Variants in ENKUR observed in about 807,000 individuals in gnomAD.
ENKUR encodes the protein enkurin, TRPC channel interacting protein.
In ENKUR, 19 loss-of-function variants were observed where a neutral mutation model predicts 27.6. That is an observed-to-expected ratio of 0.69 (90% CI 0.48 to 1.01). The LOEUF (loss-of-function observed/expected upper bound fraction) is 1.01, where lower values mean the gene tolerates loss of function less well. ENKUR is among the 50% of genes least tolerant of loss of function. ENKUR has a pLI of 0.00. For missense variants in ENKUR, 312 were observed against 310.5 expected (o/e 1.00, Z -0.04); for synonymous variants, 117 against 96.9 (o/e 1.21, Z -1.22).
intron 3 of ENKUR, among the ~76,000 whole-genome samples, chr10:24,994,106 T>C (rs1401099973): frequency 6.6e-6 from 1 of 152,190 alleles, no homozygotes; most frequent in African/African-American, 2.4e-5. Flanking sequence ...GAAAACAGCC[T>C]TGAGGGTCCT....
At chr10:25,052,977 T>C (rs929628141) in intron 2 of ENKUR, among the ~76,000 whole-genome samples, 2 of 151,798 alleles carry the variant, frequency 1.3e-5, no homozygotes, top group African/African-American at 4.8e-5. Flanking sequence ...CCATGTTGGT[T>C]GGGCTGGTCT....
intron 2 of ENKUR, among the ~76,000 whole-genome samples, chr10:25,045,098 G>T (rs1851108254): frequency 6.6e-6 from 1 of 152,154 alleles, no homozygotes. Context: ...TATTTCAAGG[G>T]TTGAAATCCT....
chr10:25,012,982 T>C (rs573188398), intron 1 of ENKUR, among the ~76,000 whole-genome samples: 2 of 152,256 alleles, frequency 1.3e-5, no homozygotes, highest in East Asian at 1.9e-4. Flanking sequence ...GATAGGTAAT[T>C]GAATCATGGG....
chr10:25,016,996 GCCT>G (rs1850604689), upstream of ENKUR, among the ~76,000 whole-genome samples: 1 of 152,300 alleles, frequency 6.6e-6, no homozygotes, highest in East Asian at 1.9e-4. Context: ...GGGGCCCGCG[GCCT>G]CCTCCGCCTG....
intron 2 of ENKUR, 70 bp from the exon 3 acceptor site, chr10:24,995,939 C>T: frequency 1.6e-6 from 2 of 1,247,196 alleles, no homozygotes; most frequent in Non-Finnish European, 2.2e-6. Flanking sequence ...TTTATAATAT[C>T]CAGATATTTC....
intron 2 of ENKUR, among the ~76,000 whole-genome samples, chr10:25,058,996 T>TG (rs1851295300): frequency 6.6e-6 from 1 of 151,526 alleles, no homozygotes; most frequent in Non-Finnish European, 1.5e-5. Context: ...ACAAACCCAT[T>TG]CCTCCAAGAA....
intron 2 of ENKUR, among the ~76,000 whole-genome samples, chr10:25,052,731 C>G (rs1851200373): frequency 6.6e-6 from 1 of 152,088 alleles, no homozygotes; most frequent in Admixed American, 6.5e-5. Flanking sequence ...TATGATCACA[C>G]CACTGCACTC....
chr10:25,058,856 A>G (rs1851292822), intron 2 of ENKUR, among the ~76,000 whole-genome samples: 1 of 151,356 alleles, frequency 6.6e-6, no homozygotes, highest in South Asian at 2.1e-4. Context: ...GCTTGAACAC[A>G]GGAGGTAGAG....
At chr10:25,017,991 G>T (rs1259609389), upstream of ENKUR, among the ~76,000 whole-genome samples, 1 of 152,180 alleles carries the variant, frequency 6.6e-6, no homozygotes, top group East Asian at 1.9e-4. Context: ...GTGTTAATCA[G>T]TTCCTGAAAT....
At chr10:25,024,050 GC>G in intron 2 of ENKUR, 1 of 1,614,188 alleles carries the variant, frequency 6.2e-7, no homozygotes, top group Non-Finnish European at 8.5e-7. Flanking sequence ...CCAAAATTAA[GC>G]TGCGGGGAGT....
At chr10:25,023,307 T>C in intron 2 of ENKUR, 4 of 1,614,148 alleles carry the variant, frequency 2.5e-6, no homozygotes, top group Non-Finnish European at 1.7e-6. Context: ...CGGATAAACA[T>C]GCACAGCGAT....
Position 25,023,912 on chromosome 10 carries a change from C to T in ENKUR, c.38-28043G>A, listed in dbSNP as rs763463504. On this transcript the variant is annotated intron_variant, in intron 2 of 5. Coordinates refer to the ENKUR transcript ENST00000615958. ...AGATACCAAGATGTGGACTCGGAAA[C>T]ATTCATTTCAACAAGACACGTTTGG... is the stretch of plus-strand genomic sequence containing the variant. 5 of 1,614,172 alleles carry T rather than the reference C, an allele frequency of 3.1e-6. No homozygotes were observed. In the East Asian group the frequency reaches 8.9e-5, roughly 29 times the overall value.
intron 1 of ENKUR, among the ~76,000 whole-genome samples, chr10:25,004,088 C>G (rs558006156): frequency 6.6e-6 from 1 of 152,116 alleles, no homozygotes; most frequent in African/African-American, 2.4e-5. Flanking sequence ...CATCCATGTC[C>G]CTGCAAAGAA....
chr10:25,004,728 A>C (rs1342326800), intron 1 of ENKUR, among the ~76,000 whole-genome samples: 1 of 151,910 alleles, frequency 6.6e-6, no homozygotes, highest in Non-Finnish European at 1.5e-5. Flanking sequence ...TACTCTGTTG[A>C]TGGTTTCTTT....
intron 2 of ENKUR, chr10:25,025,527 A>G: frequency 2.8e-6 from 4 of 1,406,118 alleles, no homozygotes; most frequent in Non-Finnish European, 3.9e-6. Flanking sequence ...GATTTGGAGT[A>G]CAGTAGCATT....
intron 2 of ENKUR, among the ~76,000 whole-genome samples, chr10:25,047,741 C>T (rs1176978442): frequency 6.6e-6 from 1 of 152,106 alleles, no homozygotes; most frequent in East Asian, 1.9e-4. Context: ...CGACTTTTCC[C>T]CTTTCTTCTC....
chr10:25,035,920 C>G (rs144764670), intron 2 of ENKUR, among the ~76,000 whole-genome samples: 1 of 152,174 alleles, frequency 6.6e-6, no homozygotes, highest in Non-Finnish European at 1.5e-5. Context: ...AGATCACACA[C>G]TTTGGGTGAA....
chr10:25,001,942 A>G (rs1850196805), intron 1 of ENKUR, among the ~76,000 whole-genome samples: 1 of 152,052 alleles, frequency 6.6e-6, no homozygotes, highest in Non-Finnish European at 1.5e-5. Context: ...TGTGAATTTT[A>G]CATTGTTTGT....
At chr10:25,033,452 A>AAT (rs1049907566) in intron 2 of ENKUR, among the ~76,000 whole-genome samples, 10 of 151,678 alleles carry the variant, frequency 6.6e-5, no homozygotes, top group Admixed American at 2.6e-4. Flanking sequence ...ACTTATAGTA[A>AAT]ATGTGCCTTC....
Sources: allele counts gnomAD v4.1 joint callset (sites outside exome capture counted in the v4.1 genomes callset), GRCh38; gene constraint gnomAD v4.1.1; transcripts MANE v1.5; gene names NCBI Gene and HGNC (gene_info 2026-07-23, HGNC 2026-07-21).